Variants in FAN1 observed in about 807,000 individuals in gnomAD.
The protein encoded by FAN1 is FANCD2 and FANCI associated nuclease 1.
In FAN1, 91 loss-of-function variants were observed where a neutral mutation model predicts 104.9. That is an observed-to-expected ratio of 0.87 (90% confidence interval 0.73 to 1.03). The LOEUF (loss-of-function observed/expected upper bound fraction) is 1.03, where lower values mean the gene tolerates loss of function less well. Among genes scored for constraint, FAN1 ranks in the 50% least tolerant of loss-of-function variants. The pLI, the probability that FAN1 is intolerant of heterozygous loss-of-function variation, is 0.00. For synonymous variants in FAN1, 478 were observed against 457.6 expected (o/e 1.04, Z -0.57); for missense variants, 1,263 against 1,239.9 (o/e 1.02, Z -0.28).
intron 5 of FAN1, among the ~76,000 whole-genome samples, chr15:30,916,153 T>C (rs990677560): frequency 5.9e-5 from 9 of 152,218 alleles, no homozygotes; most frequent in African/African-American, 2.2e-4. Flanking sequence ...TTACCCTGTT[T>C]TCAGTTGTCT....
At chr15:30,906,642 T>G (rs2140900359) in intron 2 of FAN1, 1 of 392,590 alleles carries the variant, frequency 2.5e-6, no homozygotes, top group Non-Finnish European at 5.1e-6. Context: ...CATGTGTGAC[T>G]CCTCAGTAGA....
At chr15:30,941,033 G>GA (rs2063029513) in intron 14 of FAN1, 1 of 1,169,744 alleles carries the variant, frequency 8.5e-7, no homozygotes, top group Non-Finnish European at 1.1e-6. Flanking sequence ...AAAGTAACCA[G>GA]AAAAATACAT....
intron 2 of FAN1, 108 bp from the exon 3 acceptor site, chr15:30,908,010 C>G: frequency 1.2e-6 from 1 of 831,856 alleles, no homozygotes; most frequent in Non-Finnish European, 1.8e-6. Flanking sequence ...AAATGAAGGC[C>G]TTATACATAC....
intron 8 of FAN1, among the ~76,000 whole-genome samples, chr15:30,923,437 A>G (rs549921107): frequency 1.3e-5 from 2 of 152,352 alleles, no homozygotes; most frequent in South Asian, 2.1e-4. Flanking sequence ...GGGGTAGACA[A>G]GCCACTGAGC....
chr15:30,929,439 A>C, intron 12 of FAN1, 42 bp downstream of exon 12: 1 of 1,518,396 alleles, frequency 6.6e-7, no homozygotes, highest in African/African-American at 1.4e-5. Flanking sequence ...CAGAAAGTTA[A>C]CACCGCCCCA....
rs1195298739 is a variant in FAN1, at chr15:30,905,400, G to C, written c.737G>C (p.Arg246Pro). 1.2e-6 allele frequency: 2 copies of C among 1,614,122 alleles called. No homozygotes were observed. Among genetic ancestry groups the C allele is most frequent in the Non-Finnish European group, 1.7e-6 (2 of 1,180,016 alleles). The change falls in exon 2 of 15, where the codon CGG becomes CCG. Residue 246 changes from arginine to proline, a missense_variant. By Grantham distance (103) the Arg-to-Pro change is moderately radical (BLOSUM62 -2). Around this residue, in one of 2 missense-constraint regions of FAN1, gnomAD observed 682 missense variants for 571.1 expected, o/e 1.19. Coordinates refer to ENST00000362065, the MANE Select transcript of FAN1 (RefSeq NM_014967.5). ...GAAGCCGAAAGCCAAAAGGCTACCC[G>C]GGAATGTGAGAAATCAGCCCTCACC... ...IMEAESQKAT[R>P]ECEKSALTPG...
chr15:30,929,708 C>CATAATATATATGAA (rs2062586888), intron 12 of FAN1, among the ~76,000 whole-genome samples: 2 of 76,516 alleles, frequency 2.6e-5, no homozygotes, highest in Non-Finnish European at 4.5e-5. Context: ...TATATTATAT[C>CATAATATATATGAA]ATATATAATA....
chr15:30,910,592 CT>C lies in FAN1; in HGVS notation c.1376-12del, dbSNP rs202102251. The C allele has an allele frequency of 3.3e-3, 4,395 of 1,341,868 alleles. 2 individuals are homozygous for C. The highest frequency in any genetic ancestry group is 6.6e-3 in the South Asian group (431 of 65,224). The allele number at this position is 1,341,868 out of a possible 1,614,324, so 83.1% of individuals were successfully genotyped here. ...TAGAAAATAGTAAAATTTAAAAAAA[CT>C]TTTTTTTTTAACCATTTCAGAATCT... On this transcript the variant is annotated intron_variant, in intron 3 of 14. Coordinates refer to ENST00000362065, the MANE Select transcript of FAN1 (RefSeq NM_014967.5).
chr15:30,941,891 G>T lies in FAN1; in HGVS notation c.*329G>T. 1 of 1,614,002 alleles carries T rather than the reference G, an allele frequency of 6.2e-7. No individual in the cohort carries two copies. ...CAGAATAACACCGTGCAGGTTGGCGGGTTTGGAAAACCATTCTCTAAAATA... is the reference window on the plus strand; with the variant it reads ...CAGAATAACACCGTGCAGGTTGGCGTGTTTGGAAAACCATTCTCTAAAATA... On this transcript the variant is annotated 3_prime_UTR_variant, in exon 15 of 15. Coordinates refer to ENST00000362065, the MANE Select transcript of FAN1 (RefSeq NM_014967.5).
intron 5 of FAN1, 135 bp from the exon 6 acceptor site, chr15:30,918,029 A>T: frequency 1.3e-6 from 1 of 794,456 alleles, no homozygotes; most frequent in Non-Finnish European, 2.0e-6. Flanking sequence ...AATTATTATT[A>T]GAATAAAATT....
intron 2 of FAN1, chr15:30,906,228 C>T (rs571676698): frequency 2.7e-5 from 12 of 441,102 alleles, no homozygotes; most frequent in South Asian, 1.8e-4. Context: ...CTTAGAAAAG[C>T]ATACTTTGCA....
intron 2 of FAN1, among the ~76,000 whole-genome samples, chr15:30,907,515 T>C (rs774554959): frequency 6.4e-4 from 95 of 149,020 alleles, no homozygotes; most frequent in Non-Finnish European, 1.2e-3. Context: ...CAAAACTCCA[T>C]CTCAAAAAAA....
rs2062491965 is a variant in FAN1, at chr15:30,927,399, G to A, written c.2489-1154G>A. On this transcript the variant is annotated intron_variant, in intron 10 of 14. Transcript: ENST00000362065. ...ACTTGGCAACAGCCAGGAGTCCTGAGTGAACCGCTGTCCTTTTGAATCCCT... is the reference window on the plus strand; with the variant it reads ...ACTTGGCAACAGCCAGGAGTCCTGAATGAACCGCTGTCCTTTTGAATCCCT... 3.0e-6 allele frequency: 3 copies of A among 985,472 alleles called. No individual in the cohort carries two copies. In the South Asian group the frequency reaches 1.4e-4, roughly 46 times the overall value. 61.0% of individuals were successfully genotyped at this position (985,472 alleles called of 1,614,324 possible).
intron 13 of FAN1, among the ~76,000 whole-genome samples, chr15:30,934,666 A>G (rs1431258006): frequency 6.6e-6 from 1 of 152,224 alleles, no homozygotes; most frequent in East Asian, 1.9e-4. Flanking sequence ...GGCATGAGCC[A>G]CAGTGCCTGG....
At chr15:30,933,944 T>C (rs549764565) in intron 13 of FAN1, among the ~76,000 whole-genome samples, 3 of 152,174 alleles carry the variant, frequency 2.0e-5, no homozygotes, top group African/African-American at 7.2e-5. Flanking sequence ...TTATTTTTTG[T>C]AGAGATGGGG....
intron 12 of FAN1, among the ~76,000 whole-genome samples, chr15:30,929,842 A>G (rs1195562470): frequency 1.2e-5 from 1 of 84,414 alleles, no homozygotes; most frequent in African/African-American, 6.1e-5. Flanking sequence ...AATATAATAT[A>G]TAAAATATAT....
chr15:30,914,605 A>T (rs575863549), intron 5 of FAN1, among the ~76,000 whole-genome samples: 16 of 152,150 alleles, frequency 1.1e-4, no homozygotes, highest in Non-Finnish European at 2.1e-4. Flanking sequence ...GACTCAAGCA[A>T]TCCGCCCACC....
chr15:30,926,679 G>A, intron 10 of FAN1: 1 of 985,424 alleles, frequency 1.0e-6, no homozygotes, highest in Non-Finnish European at 1.2e-6. Context: ...GCCTGAAATG[G>A]TTAGAAATAG....
chr15:30,942,413 C>CA lies in FAN1; in HGVS notation c.*852dup, dbSNP rs2063086241. The CA allele has an allele frequency of 5.9e-6, 2 of 337,794 alleles. No individual in the cohort carries two copies. Among genetic ancestry groups the CA allele is most frequent in the Non-Finnish European group, 1.1e-5 (2 of 186,076 alleles). 20.9% of individuals were successfully genotyped at this position (337,794 alleles called of 1,614,324 possible). ...AGAACAATGGCAAACTGAACAGAGG[C>CA]AGTCAGGAGGCCAAATGTCTGATTC... On this transcript the variant is annotated 3_prime_UTR_variant, in exon 15 of 15. Coordinates refer to ENST00000362065, the MANE Select transcript of FAN1 (RefSeq NM_014967.5).
Sources: gnomAD v4.1 joint callset for allele counts (sites outside exome capture counted in the v4.1 genomes callset) on GRCh38, gnomAD v4.1.1 for gene constraint, gnomAD v4.1.1 regional missense constraint, MANE v1.5 for transcripts, NCBI Gene and HGNC (gene_info 2026-07-23, HGNC 2026-07-21) for gene names.